Variants in DLG2 observed in about 807,000 individuals in gnomAD.
The protein encoded by DLG2 is discs large MAGUK scaffold protein 2, also known as disks large homolog 2.
Under a neutral mutation model 132.5 loss-of-function variants are expected in DLG2, and 45 were observed. The observed-to-expected ratio is 0.34, with a 90% CI of 0.27 to 0.44. The LOEUF is 0.44. Ranked by LOEUF, DLG2 falls within the 20% of genes least tolerant of loss-of-function variation. The probability of loss-of-function intolerance (pLI) is 1.00; values close to 1 mark genes in which losing one functional copy is unlikely to be tolerated. For synonymous variants in DLG2, 424 were observed against 419.6 expected, an observed-to-expected ratio of 1.01 and a Z score of -0.13; for missense variants, 1,045 against 1,196.9, an observed-to-expected ratio of 0.87 and a Z score of 1.87.
At chr11:83,926,884 G>A (rs2079077892) in intron 15 of DLG2, among the ~76,000 whole-genome samples, 1 of 152,078 alleles carries the variant, frequency 6.6e-6, no homozygotes, top group African/African-American at 2.4e-5. Flanking sequence ...GCTTGGAGAG[G>A]TATTTCCCAT....
At chr11:84,051,888 T>A (rs1212720377) in intron 11 of DLG2, among the ~76,000 whole-genome samples, 1 of 151,820 alleles carries the variant, frequency 6.6e-6, no homozygotes, top group African/African-American at 2.4e-5. Flanking sequence ...CCTGATTTAT[T>A]AAAGCAGCAA....
rs34476380 is a variant in DLG2, at chr11:84,402,881, C to CAAA, written c.519+131686_519+131688dup. The stretch of plus-strand genomic sequence containing the variant: ...TGGGCGACAGAGCGAAACTCCGTCT[C>CAAA]AAAAAAAAAAAAAAAAAAAATTAAC... On this transcript the variant is annotated intron_variant, in intron 7 of 27. Transcript: ENST00000376104. 1.3e-3 allele frequency among the ~76,000 whole-genome samples: 99 copies of CAAA among 73,874 alleles called. 4 individuals are homozygous for CAAA. The highest frequency in any genetic ancestry group is 1.6e-3 in the Non-Finnish European group (67 of 42,474). The allele number at this position is 73,874 out of a possible 152,430, so 48.5% of individuals were successfully genotyped here.
At chr11:84,673,327 T>C (rs2099707936) in intron 6 of DLG2, among the ~76,000 whole-genome samples, 1 of 152,070 alleles carries the variant, frequency 6.6e-6, no homozygotes, top group Admixed American at 6.6e-5. Context: ...CAGAATCCAC[T>C]TTCCAACCAA....
intron 3 of DLG2, among the ~76,000 whole-genome samples, chr11:85,547,149 G>A (rs1015934793): frequency 6.6e-6 from 1 of 152,048 alleles, no homozygotes; most frequent in African/African-American, 2.4e-5. Context: ...TCCTTTCCAT[G>A]TTTAATGCTT....
chr11:85,364,668 C>A (rs966789466), intron 3 of DLG2, among the ~76,000 whole-genome samples: 7 of 152,086 alleles, frequency 4.6e-5, no homozygotes, highest in Admixed American at 4.6e-4. Flanking sequence ...GGGGCCTCTT[C>A]TTGGGGAACA....
chr11:84,612,037 A>G (rs986927460), intron 6 of DLG2, among the ~76,000 whole-genome samples: 3 of 152,192 alleles, frequency 2.0e-5, no homozygotes, highest in African/African-American at 7.2e-5. Context: ...CATTAGTTTA[A>G]TCAAGATAAT....
chr11:84,743,289 C>A (rs991325822), intron 6 of DLG2, among the ~76,000 whole-genome samples: 1 of 152,160 alleles, frequency 6.6e-6, no homozygotes, highest in African/African-American at 2.4e-5. Flanking sequence ...AACACTGTTA[C>A]AACTCTTAAA....
intron 6 of DLG2, among the ~76,000 whole-genome samples, chr11:85,059,193 G>T (rs2063771171): frequency 6.6e-6 from 1 of 150,506 alleles, no homozygotes; most frequent in South Asian, 2.1e-4. Context: ...TATATAGAAA[G>T]ATCCTCAAGC....
At chr11:83,892,969 A>C (rs577073709) in intron 15 of DLG2, among the ~76,000 whole-genome samples, 8 of 152,298 alleles carry the variant, frequency 5.3e-5, no homozygotes, top group African/African-American at 1.9e-4. Flanking sequence ...ATTCCCTCCC[A>C]TGTCAGTTTG....
At chr11:84,548,740 T>C (rs1271564446) in intron 6 of DLG2, among the ~76,000 whole-genome samples, 2 of 152,080 alleles carry the variant, frequency 1.3e-5, no homozygotes, top group Non-Finnish European at 2.9e-5. Context: ...ACAATAAACA[T>C]ACGGAGACCA....
intron 6 of DLG2, among the ~76,000 whole-genome samples, chr11:84,701,242 CTATT>C (rs897868190): frequency 6.6e-6 from 1 of 151,446 alleles, no homozygotes; most frequent in Non-Finnish European, 1.5e-5. Flanking sequence ...AGAGAGAAGA[CTATT>C]TCTTCTGTTT....
At chr11:85,385,956 T>C (rs76766231) in intron 3 of DLG2, among the ~76,000 whole-genome samples, 2 of 152,340 alleles carry the variant, frequency 1.3e-5, no homozygotes, top group East Asian at 1.9e-4. Flanking sequence ...CACGATTAGT[T>C]GACGATTCCC....
chr11:84,398,925 T>C (rs1479974888), intron 7 of DLG2, among the ~76,000 whole-genome samples: 1 of 152,230 alleles, frequency 6.6e-6, no homozygotes, highest in African/African-American at 2.4e-5. Context: ...TTTAATTTTC[T>C]ATTTGGGCTT....
At chr11:84,549,179 T>A (rs537020170) in intron 6 of DLG2, among the ~76,000 whole-genome samples, 1 of 152,190 alleles carries the variant, frequency 6.6e-6, no homozygotes, top group Non-Finnish European at 1.5e-5. Context: ...GGGAATAAAT[T>A]TGCTGGAGAG....
At chr11:85,019,990 G>C (rs2059904071) in intron 6 of DLG2, among the ~76,000 whole-genome samples, 1 of 152,096 alleles carries the variant, frequency 6.6e-6, no homozygotes, top group Non-Finnish European at 1.5e-5. Context: ...CCCAGTAATG[G>C]GATGGCTGGG....
At chr11:85,340,058 A>T (rs186590312) in intron 3 of DLG2, among the ~76,000 whole-genome samples, 176 of 152,350 alleles carry the variant, frequency 1.2e-3, no homozygotes, top group African/African-American at 4.1e-3. Flanking sequence ...AAATTGGTTC[A>T]ACCATTGTGG....
chr11:83,667,322 T>C (rs763874826), intron 18 of DLG2, among the ~76,000 whole-genome samples: 51 of 152,224 alleles, frequency 3.4e-4, no homozygotes, highest in Non-Finnish European at 6.0e-4. Context: ...TTATTATAGC[T>C]GTCTAAGGAT....
chr11:85,298,868 T>C (rs1462664701), intron 3 of DLG2, among the ~76,000 whole-genome samples: 1 of 152,118 alleles, frequency 6.6e-6, no homozygotes, highest in Non-Finnish European at 1.5e-5. Context: ...CACTTAACAC[T>C]CATATGGGTC....
At chr11:84,666,657 CAT>C (rs1002626642) in intron 6 of DLG2, among the ~76,000 whole-genome samples, 1 of 151,914 alleles carries the variant, frequency 6.6e-6, no homozygotes, top group African/African-American at 2.4e-5. Flanking sequence ...TGTGTATACA[CAT>C]ATATTTGTAC....
Sources: allele counts gnomAD v4.1 joint callset (sites outside exome capture counted in the v4.1 genomes callset), GRCh38; gene constraint gnomAD v4.1.1; transcripts MANE v1.5; gene names NCBI Gene and HGNC (gene_info 2026-07-23, HGNC 2026-07-21).